The following KLF12 variants were observed in gnomAD, a reference collection of about 807,000 sequenced individuals.
KLF12 encodes Krueppel-like factor 12.
A neutral mutation model predicts 37.8 loss-of-function variants in KLF12; 9 were observed. The observed-to-expected ratio is 0.24, with a 90% CI of 0.14 to 0.42. The LOEUF is 0.42. Ranked by LOEUF, KLF12 falls within the 10% of genes least tolerant of loss-of-function variation. The pLI is 1.00. For missense variants in KLF12, 411 were observed against 516.0 expected (o/e 0.80, Z 1.97); for synonymous variants, 208 against 202.1 (o/e 1.03, Z -0.25).
At chr13:74,163,060 G>A in the KLF12 span, among the ~76,000 whole-genome samples, 1 of 152,136 alleles carries the variant, frequency 6.6e-6, no homozygotes, top group Non-Finnish European at 1.5e-5. Flanking sequence ...AGAGAAAAGG[G>A]AAGGTAGAGG....
chr13:74,221,219 G>A, the KLF12 span, among the ~76,000 whole-genome samples: 17 of 152,072 alleles, frequency 1.1e-4, no homozygotes, highest in South Asian at 2.1e-4. Flanking sequence ...TGTTAGCCAG[G>A]ATGGTCTCGA....
At chr13:74,015,639 G>A (rs1001483495) in intron 1 of KLF12, among the ~76,000 whole-genome samples, 2 of 152,072 alleles carry the variant, frequency 1.3e-5, no homozygotes, top group African/African-American at 4.8e-5. Flanking sequence ...CACAGGCATA[G>A]CAATCTCTCC....
chr13:74,267,111 C>G, the KLF12 span, among the ~76,000 whole-genome samples: 1 of 152,186 alleles, frequency 6.6e-6, no homozygotes, highest in Non-Finnish European at 1.5e-5. Flanking sequence ...AATTATGTAG[C>G]AATGGTGATA....
At chr13:73,769,556 T>G (rs997632987) in intron 5 of KLF12, among the ~76,000 whole-genome samples, 2 of 152,194 alleles carry the variant, frequency 1.3e-5, no homozygotes, top group African/African-American at 4.8e-5. Context: ...AAACTCACTC[T>G]GTAGCTAAAA....
chr13:73,920,254 T>A (rs1889050911), intron 3 of KLF12, among the ~76,000 whole-genome samples: 1 of 152,196 alleles, frequency 6.6e-6, no homozygotes. Flanking sequence ...TATATAAGTT[T>A]ATATCTGCAT....
At chr13:74,047,600 TAAA>T (rs10594023) in intron 1 of KLF12, among the ~76,000 whole-genome samples, 26 of 146,366 alleles carry the variant, frequency 1.8e-4, no homozygotes, top group Non-Finnish European at 2.0e-4. Flanking sequence ...CCATCTCAAA[TAAA>T]AAAAAAAAAA....
At chr13:74,156,154 A>T in the KLF12 span, among the ~76,000 whole-genome samples, 1 of 152,222 alleles carries the variant, frequency 6.6e-6, no homozygotes, top group Non-Finnish European at 1.5e-5. Context: ...GCTAAGCCAC[A>T]GTCCTTTCTG....
At chr13:73,718,672 C>A (rs556028695) in intron 6 of KLF12, among the ~76,000 whole-genome samples, 1 of 152,282 alleles carries the variant, frequency 6.6e-6, no homozygotes, top group South Asian at 2.1e-4. Context: ...GTAGGTAGAT[C>A]CCTTGAGCTC....
At chr13:73,701,713 G>A (rs1345973765) in intron 7 of KLF12, among the ~76,000 whole-genome samples, 1 of 151,996 alleles carries the variant, frequency 6.6e-6, no homozygotes, top group Admixed American at 6.6e-5. Flanking sequence ...TTGGGTAACG[G>A]GTGGCTAGCT....
At chr13:74,027,809 C>G (rs1893015178) in intron 1 of KLF12, among the ~76,000 whole-genome samples, 1 of 152,138 alleles carries the variant, frequency 6.6e-6, no homozygotes, top group South Asian at 2.1e-4. Flanking sequence ...TGTGACCATA[C>G]ACATTCTTCA....
At chr13:73,706,190 C>A (rs772933260) in intron 7 of KLF12, among the ~76,000 whole-genome samples, 4 of 152,062 alleles carry the variant, frequency 2.6e-5, no homozygotes, top group Non-Finnish European at 4.4e-5. Context: ...AAACCAATGG[C>A]ATCTTTAACT....
the KLF12 span, among the ~76,000 whole-genome samples, chr13:74,174,475 A>G: frequency 2.0e-5 from 3 of 151,362 alleles, no homozygotes; most frequent in Non-Finnish European, 4.4e-5. Flanking sequence ...CTCCGACCTC[A>G]TGATCTGCCC....
chr13:73,767,770 G>A (rs944866525), intron 5 of KLF12, among the ~76,000 whole-genome samples: 2 of 152,088 alleles, frequency 1.3e-5, no homozygotes, highest in African/African-American at 2.4e-5. Context: ...ATACAAAAAC[G>A]GCTCTTTCTT....
At chr13:73,827,672 C>T (rs1348316183) in intron 4 of KLF12, among the ~76,000 whole-genome samples, 1 of 152,174 alleles carries the variant, frequency 6.6e-6, no homozygotes, top group Non-Finnish European at 1.5e-5. Flanking sequence ...AAGTGATTCT[C>T]CTGCCTCAGC....
At chr13:74,157,643 G>A in the KLF12 span, among the ~76,000 whole-genome samples, 1 of 152,064 alleles carries the variant, frequency 6.6e-6, no homozygotes, top group East Asian at 1.9e-4. Context: ...GGCTTCCTGG[G>A]GATCCATTAC....
intron 1 of KLF12, among the ~76,000 whole-genome samples, chr13:74,110,782 C>T (rs1025530664): frequency 6.6e-6 from 1 of 152,036 alleles, no homozygotes; most frequent in East Asian, 1.9e-4. Context: ...AAGATAAGAA[C>T]AACATTAAAC....
At chr13:74,174,530 T>G in the KLF12 span, among the ~76,000 whole-genome samples, 1 of 152,014 alleles carries the variant, frequency 6.6e-6, no homozygotes, top group Non-Finnish European at 1.5e-5. Context: ...TGAGCCACCA[T>G]GCCTGGCTGG....
intron 1 of KLF12, among the ~76,000 whole-genome samples, chr13:74,016,700 T>C (rs1439765207): frequency 2.0e-5 from 3 of 152,176 alleles, no homozygotes. Context: ...ATGACACAGT[T>C]ACTTAGGCAA....
At chr13:74,250,636 A>G in the KLF12 span, among the ~76,000 whole-genome samples, 1 of 152,146 alleles carries the variant, frequency 6.6e-6, no homozygotes, top group Non-Finnish European at 1.5e-5. Flanking sequence ...ATTCTGTGCT[A>G]CATCTGTCAG....
Sources: allele counts gnomAD v4.1 joint callset (sites outside exome capture counted in the v4.1 genomes callset), GRCh38; gene constraint gnomAD v4.1.1; transcripts MANE v1.5; gene names NCBI Gene and HGNC (gene_info 2026-07-23, HGNC 2026-07-21).